The following IQSEC1 variants were observed in gnomAD, a reference collection of about 807,000 sequenced individuals.
The protein encoded by IQSEC1 is IQ motif and Sec7 domain ArfGEF 1.
A neutral mutation model predicts 91.0 loss-of-function variants in IQSEC1; 31 were observed. The observed-to-expected ratio is 0.34, with a 90% CI of 0.26 to 0.46. IQSEC1 has a LOEUF of 0.46. IQSEC1 is among the 20% of genes least tolerant of loss of function. The pLI, the probability that IQSEC1 is intolerant of heterozygous loss-of-function variation, is 1.00. For missense variants in IQSEC1, 1,388 were observed against 1,575.6 expected (o/e 0.88, Z 2.02); for synonymous variants, 699 against 662.6 (o/e 1.05, Z -0.84).
At chr3:13,223,471 CA>C (rs1694697774) in intron 1 of IQSEC1, among the ~76,000 whole-genome samples, 1 of 152,174 alleles carries the variant, frequency 6.6e-6, no homozygotes, top group African/African-American at 2.4e-5. Context: ...CTCCCTGCTG[CA>C]GAGGGAGTCC....
At chr3:13,088,208 C>A (rs1432594250) in intron 2 of IQSEC1, among the ~76,000 whole-genome samples, 1 of 152,200 alleles carries the variant, frequency 6.6e-6, no homozygotes, top group East Asian at 1.9e-4. Context: ...GGGCTTAAAG[C>A]AGGGCAGCGT....
At chr3:12,972,234 G>A (rs1261876846) in intron 1 of IQSEC1, among the ~76,000 whole-genome samples, 1 of 151,634 alleles carries the variant, frequency 6.6e-6, no homozygotes, top group African/African-American at 2.4e-5. Flanking sequence ...TCACCCGAGT[G>A]TAGGAAGGTC....
intron 12 of IQSEC1, among the ~76,000 whole-genome samples, chr3:12,906,225 G>A (rs533980776): frequency 6.6e-6 from 1 of 152,320 alleles, no homozygotes; most frequent in Admixed American, 6.5e-5. Context: ...AAACATGGAG[G>A]GGACACTGTC....
chr3:13,227,269 G>C (rs1283719118), intron 1 of IQSEC1, among the ~76,000 whole-genome samples: 1 of 151,380 alleles, frequency 6.6e-6, no homozygotes, highest in South Asian at 2.1e-4. Flanking sequence ...CCAGCTACTC[G>C]GGAGGCTGAG....
chr3:13,146,657 T>C (rs1484782531), intron 2 of IQSEC1, among the ~76,000 whole-genome samples: 1 of 152,212 alleles, frequency 6.6e-6, no homozygotes, highest in Non-Finnish European at 1.5e-5. Context: ...CTGGCCAATA[T>C]GGCGAAGCTC....
chr3:12,923,942 C>T lies in IQSEC1; in HGVS notation c.1730+639G>A, dbSNP rs1559627525. Among the ~76,000 whole-genome samples the T allele has an allele frequency of 2.6e-5, 4 of 152,196 alleles. No individual in the cohort carries two copies. The South Asian group carries it at 6.2e-4, about 24-fold the overall frequency. ...ATTTTTCTGCAGGCTTTCAAGTAGC[C>T]GGGAGTGCTATGCTCACCAGCTCTC... On this transcript the variant is annotated intron_variant, in intron 4 of 13. Transcript: ENST00000613206.
intron 1 of IQSEC1, among the ~76,000 whole-genome samples, chr3:12,993,531 T>A (rs1018748947): frequency 6.6e-6 from 1 of 152,166 alleles, no homozygotes; most frequent in African/African-American, 2.4e-5. Flanking sequence ...ATGCTTTGCA[T>A]GGCGACCCTC....
chr3:13,129,655 A>ATTTTT (rs35069619), intron 2 of IQSEC1, among the ~76,000 whole-genome samples: 100 of 118,294 alleles, frequency 8.5e-4, no homozygotes, highest in Non-Finnish European at 1.1e-3. Context: ...CATCTTATGA[A>ATTTTT]TTTTTTTTTT....
rs1694012186 is a variant in IQSEC1 at position 12,899,569 on chromosome 3, CA to C, written c.*1413del. The C allele has an allele frequency of 6.7e-6, 10 of 1,484,636 alleles. No homozygotes were observed. Among genetic ancestry groups the C allele is most frequent in the Non-Finnish European group, 6.3e-6 (7 of 1,108,502 alleles). 92.0% of individuals were successfully genotyped at this position (1,484,636 alleles called of 1,614,324 possible). On this transcript the variant is annotated 3_prime_UTR_variant, in exon 14 of 14. Coordinates refer to ENST00000613206, the MANE Select transcript of IQSEC1 (RefSeq NM_001134382.3). ...AGAGTCATGTGATGCCCTGGCAGCT[CA>C]CTGGACCATGGGAAGGCAGCGGGGG...
At chr3:13,060,030 C>T (rs1705010479) in intron 1 of IQSEC1, among the ~76,000 whole-genome samples, 1 of 152,196 alleles carries the variant, frequency 6.6e-6, no homozygotes, top group Admixed American at 6.5e-5. Context: ...ATCCAGGCAG[C>T]GGGAACGACT....
At chr3:13,177,968 G>C (rs976993053) in intron 1 of IQSEC1, among the ~76,000 whole-genome samples, 6 of 152,326 alleles carry the variant, frequency 3.9e-5, no homozygotes, top group Admixed American at 6.5e-5. Flanking sequence ...GGCTGGGTGG[G>C]GAGAAAGCCA....
intron 1 of IQSEC1, among the ~76,000 whole-genome samples, 191 bp from the exon 2 acceptor site, chr3:12,942,056 CG>C (rs1559653838): frequency 6.6e-6 from 1 of 151,982 alleles, no homozygotes; most frequent in East Asian, 1.9e-4. Flanking sequence ...CCCACCCACT[CG>C]GGTTCAGTTT....
chr3:13,259,048 C>T lies in IQSEC1; in HGVS notation c.272+23663G>A, dbSNP rs1173115603. Reference sequence around the variant, plus strand: ...TCTTTCCCTATAGTCTATCTCACACCATGGCCAGAGAGGTCTCTCAACATG... The same window carrying T: ...TCTTTCCCTATAGTCTATCTCACACTATGGCCAGAGAGGTCTCTCAACATG... On this transcript the variant is annotated intron_variant, in intron 1 of 15. Transcript: ENST00000648114. The surrounding 1 kb of genome is among the most constrained non-coding windows in gnomAD (Gnocchi z 4.6). Among the ~76,000 whole-genome samples, 1 of 152,164 alleles carries T rather than the reference C, an allele frequency of 6.6e-6. No individual in the cohort carries two copies. The highest frequency in any genetic ancestry group is 1.5e-5 in the Non-Finnish European group (1 of 68,028).
intron 1 of IQSEC1, among the ~76,000 whole-genome samples, chr3:13,196,756 G>GTA (rs1305619238): frequency 2.9e-3 from 90 of 31,550 alleles, no homozygotes; most frequent in Non-Finnish European, 3.5e-3. Context: ...GTGCGTGTGT[G>GTA]TGTGTGTGTG....
rs202183557 is a variant in IQSEC1, at chr3:12,911,666, G to A, written c.2379C>T (p.Ser793=). 4.3e-6 allele frequency: 7 copies of A among 1,614,008 alleles called. No individual in the cohort carries two copies. The East Asian group carries it at 1.1e-4, about 26-fold the overall frequency. The change falls in exon 10 of 14, where the codon TCC becomes TCT. Residue 793 remains serine (S), a synonymous_variant. Coordinates refer to ENST00000613206, the MANE Select transcript of IQSEC1 (RefSeq NM_001134382.3). ...SVTYSFRQSF[S]LYGMQVLLFE... is the part of the protein sequence containing the mutation. ...AGAGCAGGACCTGCATGCCGTACAA[G>A]GAGAAGGACTGTCGGAAGCTGTACG... is the stretch of plus-strand genomic sequence containing the variant.
intron 1 of IQSEC1, among the ~76,000 whole-genome samples, chr3:13,010,875 T>G (rs1702853723): frequency 6.6e-6 from 1 of 152,028 alleles, no homozygotes; most frequent in Non-Finnish European, 1.5e-5. Context: ...GACTGCTGTT[T>G]CCCAAACACA....
chr3:12,926,049 A>G (rs1259050382), intron 3 of IQSEC1, among the ~76,000 whole-genome samples: 1 of 152,058 alleles, frequency 6.6e-6, no homozygotes, highest in Non-Finnish European at 1.5e-5. Context: ...GGTGGCCCAC[A>G]CCTGTAATTC....
intron 1 of IQSEC1, among the ~76,000 whole-genome samples, chr3:12,969,498 G>A (rs560190758): frequency 6.6e-6 from 1 of 152,320 alleles, no homozygotes; most frequent in East Asian, 1.9e-4. Flanking sequence ...GCCACATCTG[G>A]CATCTGTCAT....
At chr3:13,237,616 C>T (rs1193912574) in intron 1 of IQSEC1, among the ~76,000 whole-genome samples, 1 of 152,168 alleles carries the variant, frequency 6.6e-6, no homozygotes, top group Non-Finnish European at 1.5e-5. Flanking sequence ...AAAGCTGCTC[C>T]AAGGCTGCAA....
Sources: allele counts gnomAD v4.1 joint callset (sites outside exome capture counted in the v4.1 genomes callset), GRCh38; gene constraint gnomAD v4.1.1; non-coding constraint Gnocchi (gnomAD v3.1); transcripts MANE v1.5; gene names NCBI Gene and HGNC (gene_info 2026-07-23, HGNC 2026-07-21).